The following ERCC6L2 variants were observed in gnomAD, a reference collection of about 807,000 sequenced individuals.
The protein encoded by ERCC6L2 is DNA excision repair protein ERCC-6-like 2.
ERCC6L2 carries 77 observed loss-of-function variants against 132.0 expected under a neutral mutation model. The ratio of observed to expected loss-of-function variants is 0.58; its 90% confidence interval spans 0.49 to 0.71. ERCC6L2 has a LOEUF of 0.71. Among genes scored for constraint, ERCC6L2 ranks in the 30% least tolerant of loss-of-function variants. The pLI is 0.00. For missense variants in ERCC6L2, 1,542 were observed against 1,837.6 expected (o/e 0.84, Z 2.94); for synonymous variants, 583 against 632.4 (o/e 0.92, Z 1.17).
chr9:95,880,718 GA>G (rs1827542622), intron 1 of ERCC6L2, 150 bp from the exon 2 acceptor site: 5 of 609,688 alleles, frequency 8.2e-6, no homozygotes, highest in Non-Finnish European at 1.4e-5. Flanking sequence ...ATCTATTTTA[GA>G]AAAATATCTA....
At chr9:95,923,479 A>G (rs1829968463) in intron 9 of ERCC6L2, 100 bp downstream of exon 9, 2 of 1,365,400 alleles carry the variant, frequency 1.5e-6, no homozygotes, top group Non-Finnish European at 1.0e-6. Context: ...GTGCTCAGTC[A>G]TTCAGAAGAG....
intron 13 of ERCC6L2, among the ~76,000 whole-genome samples, chr9:95,960,892 T>G (rs1050644395): frequency 6.6e-6 from 1 of 152,158 alleles, no homozygotes; most frequent in Non-Finnish European, 1.5e-5. Flanking sequence ...CCCACAAAGA[T>G]AGATTCTAGC....
chr9:95,899,596 A>ATGTGTG (rs1472081988), intron 3 of ERCC6L2, among the ~76,000 whole-genome samples: 1 of 113,718 alleles, frequency 8.8e-6, no homozygotes, highest in African/African-American at 4.3e-5. Context: ...CTCTTTATAT[A>ATGTGTG]TATATGTGTG....
intron 11 of ERCC6L2, among the ~76,000 whole-genome samples, chr9:95,939,950 C>T (rs958798221): frequency 1.3e-5 from 2 of 152,148 alleles, no homozygotes; most frequent in African/African-American, 2.4e-5. Flanking sequence ...TGACACCATG[C>T]CAGCCAAGTA....
intron 18 of ERCC6L2, among the ~76,000 whole-genome samples, chr9:96,006,824 A>G (rs1280190267): frequency 2.0e-5 from 3 of 152,136 alleles, no homozygotes; most frequent in Non-Finnish European, 4.4e-5. Flanking sequence ...AGATTTAGGG[A>G]GAGAGAAGTT....
intron 2 of ERCC6L2, among the ~76,000 whole-genome samples, chr9:95,896,084 ATTTTGTATATATTTACCAT>A (rs1355522852): frequency 6.6e-6 from 1 of 151,974 alleles, no homozygotes; most frequent in Non-Finnish European, 1.5e-5. Context: ...GTACATATAT[ATTTTGTATATATTTACCAT>A]TTTTGTTGCT....
chr9:95,978,840 G>A (rs1464983956), intron 17 of ERCC6L2, among the ~76,000 whole-genome samples: 1 of 151,952 alleles, frequency 6.6e-6, no homozygotes, highest in Non-Finnish European at 1.5e-5. Context: ...ATTACTTTAT[G>A]GGCAAGAGTT....
chr9:96,010,496 G>A (rs942143574), intron 18 of ERCC6L2, among the ~76,000 whole-genome samples: 4 of 152,086 alleles, frequency 2.6e-5, no homozygotes, highest in Non-Finnish European at 5.9e-5. Context: ...TTGGCCTACG[G>A]ACCCCCTATG....
chr9:95,966,960 C>T, intron 14 of ERCC6L2: 1 of 299,412 alleles, frequency 3.3e-6, no homozygotes, highest in Admixed American at 5.0e-5. Flanking sequence ...GTATGAACTC[C>T]AAGGCAATTT....
intron 19 of ERCC6L2, among the ~76,000 whole-genome samples, chr9:96,030,595 G>A (rs184990988): frequency 1.0e-3 from 155 of 152,082 alleles, no homozygotes; most frequent in African/African-American, 3.6e-3. Context: ...CCAGCTACTG[G>A]GGAGGCCAAG....
intron 16 of ERCC6L2, among the ~76,000 whole-genome samples, chr9:95,976,055 G>A (rs1832657018): frequency 6.6e-6 from 1 of 151,790 alleles, no homozygotes; most frequent in Non-Finnish European, 1.5e-5. Flanking sequence ...TTTGAGATTT[G>A]ACCCTGCTGC....
intron 16 of ERCC6L2, among the ~76,000 whole-genome samples, chr9:95,974,548 G>A (rs1001293734): frequency 6.6e-6 from 1 of 152,122 alleles, no homozygotes; most frequent in African/African-American, 2.4e-5. Context: ...CTTACAAGAG[G>A]TTCCAGGAAC....
At chr9:95,950,678 G>C (rs770150326) in intron 12 of ERCC6L2, among the ~76,000 whole-genome samples, 1 of 152,126 alleles carries the variant, frequency 6.6e-6, no homozygotes, top group Non-Finnish European at 1.5e-5. Context: ...AACCAAAAGA[G>C]AACAGGAATG....
chr9:96,033,654 C>A (rs1370202833), intron 19 of ERCC6L2, among the ~76,000 whole-genome samples: 4 of 152,184 alleles, frequency 2.6e-5, no homozygotes, highest in African/African-American at 4.8e-5. Context: ...AGGCTGGGAT[C>A]TGGGTGCCCA....
chr9:95,996,659 A>G (rs1405279123), intron 17 of ERCC6L2, among the ~76,000 whole-genome samples: 2 of 152,236 alleles, frequency 1.3e-5, no homozygotes, highest in Non-Finnish European at 2.9e-5. Flanking sequence ...ATTATGCCAA[A>G]TCTATTCCAC....
chr9:95,958,233 A>G (rs1342235826), intron 13 of ERCC6L2, among the ~76,000 whole-genome samples: 1 of 151,970 alleles, frequency 6.6e-6, no homozygotes, highest in Non-Finnish European at 1.5e-5. Context: ...ATAGTATTCC[A>G]TGGTGTATAT....
At chr9:95,883,479 T>C (rs2132525732) in intron 2 of ERCC6L2, among the ~76,000 whole-genome samples, 1 of 152,352 alleles carries the variant, frequency 6.6e-6, no homozygotes. Context: ...CTGCTGTAAC[T>C]GTTTTCGCAT....
chr9:95,956,869 G>C (rs1831629650), intron 13 of ERCC6L2, among the ~76,000 whole-genome samples: 1 of 151,984 alleles, frequency 6.6e-6, no homozygotes, highest in African/African-American at 2.4e-5. Flanking sequence ...CTAGCTGCCA[G>C]CCTTTGAGTA....
intron 2 of ERCC6L2, among the ~76,000 whole-genome samples, chr9:95,892,642 C>T (rs867452867): frequency 1.2e-4 from 18 of 151,930 alleles, no homozygotes; most frequent in African/African-American, 3.4e-4. Context: ...AGGCTGGTCT[C>T]GGACTCCTGA....
Sources: allele counts gnomAD v4.1 joint callset (sites outside exome capture counted in the v4.1 genomes callset), GRCh38; gene constraint gnomAD v4.1.1; transcripts MANE v1.5; gene names NCBI Gene and HGNC (gene_info 2026-07-23, HGNC 2026-07-21).